NME7: variants seen among roughly 807,000 people sequenced by gnomAD.
NME7 encodes nucleoside diphosphate kinase 7.
In NME7, 41 loss-of-function variants were observed where a neutral mutation model predicts 49.1. The observed-to-expected ratio is 0.83, with a 90% confidence interval of 0.65 to 1.08. The LOEUF (loss-of-function observed/expected upper bound fraction) is 1.08, where lower values mean the gene tolerates loss of function less well. Ranked by LOEUF, NME7 falls within the 50% of genes least tolerant of loss-of-function variation. NME7 has a pLI of 0.00. For synonymous variants in NME7, 139 were observed against 150.6 expected, an observed-to-expected ratio of 0.92 and a Z score of 0.56; for missense variants, 423 against 463.4, an observed-to-expected ratio of 0.91 and a Z score of 0.80.
chr1:169,319,597 T>C lies in NME7; in HGVS notation c.278+3520A>G, dbSNP rs114271915. ...GTACATCTCCAAGAGGACAGGAAAA[T>C]GCATACTGTGACTGAGTTCCTGCTG... is the stretch of plus-strand genomic sequence containing the variant. On this transcript the variant is annotated intron_variant, in intron 3 of 11. Transcript: ENST00000367811. 8.9e-3 allele frequency among the ~76,000 whole-genome samples: 1,353 copies of C among 152,204 alleles called. 13 individuals carry two copies. The highest frequency in any genetic ancestry group is 0.031 in the African/African-American group (1,282 of 41,520).
chr1:169,195,910 T>C (rs185679741), intron 10 of NME7, among the ~76,000 whole-genome samples: 5 of 152,280 alleles, frequency 3.3e-5, no homozygotes, highest in Admixed American at 1.3e-4. Flanking sequence ...AGCTAATACT[T>C]ACTTGTTACA....
intron 1 of NME7, among the ~76,000 whole-genome samples, chr1:169,333,646 AT>A (rs202059416): frequency 4.6e-5 from 7 of 151,856 alleles, no homozygotes; most frequent in African/African-American, 9.7e-5. Context: ...AACATTTAAT[AT>A]TTTAAAAAAA....
At chr1:169,253,472 T>C (rs1166284571) in intron 7 of NME7, among the ~76,000 whole-genome samples, 2 of 152,034 alleles carry the variant, frequency 1.3e-5, no homozygotes, top group African/African-American at 4.8e-5. Context: ...GCTGAGACAA[T>C]GGGGTTTTCT....
At chr1:169,254,307 G>A (rs6685556) in intron 7 of NME7, among the ~76,000 whole-genome samples, 15,511 of 151,774 alleles carry the variant, frequency 0.1, 835 homozygotes, top group Admixed American at 0.12. Context: ...TGTATGTGTC[G>A]AGGAATTTAT....
intron 10 of NME7, among the ~76,000 whole-genome samples, chr1:169,180,409 G>C (rs918249520): frequency 1.3e-5 from 2 of 152,104 alleles, no homozygotes; most frequent in Non-Finnish European, 2.9e-5. Context: ...TTACAGATAT[G>C]GGTAACTTGG....
intron 7 of NME7, among the ~76,000 whole-genome samples, chr1:169,258,496 G>T (rs371401252): frequency 8.2e-6 from 1 of 121,298 alleles, no homozygotes; most frequent in African/African-American, 2.8e-5. Flanking sequence ...AAACAGGTAC[G>T]TTGATTTTTA....
chr1:169,334,541 A>G (rs1035531439), intron 1 of NME7, among the ~76,000 whole-genome samples: 9 of 152,218 alleles, frequency 5.9e-5, no homozygotes, highest in African/African-American at 1.9e-4. Context: ...ACGCTTCCTT[A>G]CACTTTATAG....
rs143151678 is a variant in NME7 at position 169,222,319 on chromosome 1, G to A, written c.990+8399C>T. On this transcript the variant is annotated intron_variant, in intron 10 of 11. Coordinates refer to ENST00000367811, the MANE Select transcript of NME7 (RefSeq NM_013330.5). ...TTGTTTTGTTCACTGGTGTATCCTT[G>A]GTGCCTAGAATACTGCCTGGCACAC... Among the ~76,000 whole-genome samples, 944 of 151,882 alleles carry A rather than the reference G, an allele frequency of 6.2e-3. 8 individuals are homozygous for A. Among genetic ancestry groups the A allele is most frequent in the Non-Finnish European group, 0.011 (734 of 67,962 alleles).
At chr1:169,260,277 A>C (rs910169120) in intron 7 of NME7, among the ~76,000 whole-genome samples, 1 of 131,894 alleles carries the variant, frequency 7.6e-6, no homozygotes, top group African/African-American at 2.5e-5. Context: ...TTTCATGTCA[A>C]CTCCTCCCAT....
intron 4 of NME7, among the ~76,000 whole-genome samples, chr1:169,309,539 G>A (rs536944972): frequency 6.6e-6 from 1 of 152,266 alleles, no homozygotes; most frequent in Non-Finnish European, 1.5e-5. Flanking sequence ...TGTGAAACTG[G>A]TGGAAGTTCA....
chr1:169,281,264 G>A (rs570192190), intron 7 of NME7, among the ~76,000 whole-genome samples: 1 of 151,962 alleles, frequency 6.6e-6, no homozygotes, highest in African/African-American at 2.4e-5. Flanking sequence ...GTCCATTATT[G>A]GTGTGTAAGA....
chr1:169,202,929 G>A (rs1660586844), intron 10 of NME7, among the ~76,000 whole-genome samples: 1 of 152,038 alleles, frequency 6.6e-6, no homozygotes, highest in South Asian at 2.1e-4. Context: ...TGAAACATGT[G>A]TCCCATTGAG....
chr1:169,274,089 A>C (rs76948037), intron 7 of NME7, among the ~76,000 whole-genome samples: 14,320 of 129,500 alleles, frequency 0.11, 3,780 homozygotes, highest in Admixed American at 0.21. Context: ...CCAACAGTGT[A>C]AAAGTGTTCC....
intron 1 of NME7, among the ~76,000 whole-genome samples, chr1:169,336,852 T>C (rs530410181): frequency 7.2e-5 from 11 of 151,810 alleles, no homozygotes; most frequent in Non-Finnish European, 1.5e-4. Context: ...AGAGTGTCGA[T>C]TGGTGCACTC....
At chr1:169,310,777 A>G (rs1651351935) in intron 3 of NME7, 1 of 152,224 alleles carries the variant, frequency 6.6e-6, no homozygotes, top group African/African-American at 2.4e-5. Context: ...CCAAGGTAAC[A>G]TGACAAAGGT....
intron 3 of NME7, among the ~76,000 whole-genome samples, chr1:169,319,111 A>G (rs1651762860): frequency 6.6e-6 from 1 of 151,882 alleles, no homozygotes; most frequent in African/African-American, 2.4e-5. Context: ...TAAGTCATTC[A>G]TACATTATGA....
At chr1:169,312,410 C>A (rs1267719391) in intron 3 of NME7, among the ~76,000 whole-genome samples, 1 of 152,166 alleles carries the variant, frequency 6.6e-6, no homozygotes. Flanking sequence ...CATTGAGAGC[C>A]ATCAGTGTAA....
intron 11 of NME7, among the ~76,000 whole-genome samples, chr1:169,165,133 G>C (rs1459293070): frequency 6.6e-6 from 1 of 151,944 alleles, no homozygotes; most frequent in African/African-American, 2.4e-5. Context: ...TCACAAAATT[G>C]ACTGGGTCAC....
intron 11 of NME7, among the ~76,000 whole-genome samples, chr1:169,148,090 C>T (rs1396757323): frequency 6.6e-6 from 1 of 152,098 alleles, no homozygotes; most frequent in Non-Finnish European, 1.5e-5. Flanking sequence ...GCAACCTCCA[C>T]CTCCTGGGTT....
Sources: gnomAD v4.1 joint callset for allele counts (sites outside exome capture counted in the v4.1 genomes callset) on GRCh38, gnomAD v4.1.1 for gene constraint, MANE v1.5 for transcripts, NCBI Gene and HGNC (gene_info 2026-07-23, HGNC 2026-07-21) for gene names.